Variants in MBNL1 observed in about 807,000 individuals in gnomAD.
The protein encoded by MBNL1 is muscleblind like splicing regulator 1.
In MBNL1, 8 loss-of-function variants were observed where a neutral mutation model predicts 42.2. The ratio of observed to expected loss-of-function variants is 0.19; its 90% confidence interval spans 0.11 to 0.34. The LOEUF (loss-of-function observed/expected upper bound fraction) is 0.34. MBNL1 is among the 10% of genes least tolerant of loss of function. The probability of loss-of-function intolerance (pLI) is 1.00; values close to 1 mark genes in which losing one functional copy is unlikely to be tolerated. For missense variants in MBNL1, 309 were observed against 495.3 expected (o/e 0.62, Z 3.57); for synonymous variants, 169 against 173.9 (o/e 0.97, Z 0.22).
chr3:152,407,278 G>T (rs2098457642), intron 2 of MBNL1, among the ~76,000 whole-genome samples: 1 of 139,854 alleles, frequency 7.2e-6, no homozygotes, highest in Non-Finnish European at 1.5e-5. Flanking sequence ...AGCTCTTGTG[G>T]TTGAATTGAG....
rs957399401 is a variant in MBNL1, at chr3:152,341,858, C to T, written c.174+41491C>T. Among the ~76,000 whole-genome samples, 5 of 152,074 alleles carry T rather than the reference C, an allele frequency of 3.3e-5. No homozygotes were observed. In the East Asian group the frequency reaches 9.6e-4, roughly 29 times the overall value. On this transcript the variant is annotated intron_variant, in intron 2 of 9. Coordinates refer to ENST00000324210, the MANE Select transcript of MBNL1 (RefSeq NM_021038.5). ...TTTTTGGTACTTTAAGGGACTGTTT[C>T]ACTTCAAAAACAAAATATTCCTGTT...
intron 6 of MBNL1, among the ~76,000 whole-genome samples, chr3:152,448,129 A>G (rs1384031684): frequency 6.6e-6 from 1 of 152,096 alleles, no homozygotes; most frequent in South Asian, 2.1e-4. Context: ...TCATTATTCC[A>G]TAGAGTTAAT....
At chr3:152,327,566 C>G (rs1451821696) in intron 2 of MBNL1, among the ~76,000 whole-genome samples, 1 of 152,086 alleles carries the variant, frequency 6.6e-6, no homozygotes, top group Non-Finnish European at 1.5e-5. Context: ...CCAGGCTGGT[C>G]TCAAACTCCT....
rs567341682 is a variant in MBNL1, at chr3:152,326,481, T to G, written c.174+26114T>G. On this transcript the variant is annotated intron_variant, in intron 2 of 9. Transcript: ENST00000324210. Reference sequence around the variant, plus strand: ...TCCATCAGACTTGGATCCAATGATTTCACCTCATTGTTGATCATTTTGTAG... The same window carrying G: ...TCCATCAGACTTGGATCCAATGATTGCACCTCATTGTTGATCATTTTGTAG... 2.0e-5 allele frequency among the ~76,000 whole-genome samples: 3 copies of G among 152,304 alleles called. No individual in the cohort carries two copies. In the South Asian group the frequency reaches 6.2e-4, roughly 32 times the overall value.
chr3:152,438,586 A>G (rs780877622), intron 4 of MBNL1, among the ~76,000 whole-genome samples: 7 of 152,240 alleles, frequency 4.6e-5, no homozygotes, highest in Non-Finnish European at 8.8e-5. Context: ...TAATGAGATT[A>G]GAATCACATG....
At chr3:152,424,186 A>T (rs2098854882) in intron 3 of MBNL1, among the ~76,000 whole-genome samples, 1 of 152,222 alleles carries the variant, frequency 6.6e-6, no homozygotes, top group Non-Finnish European at 1.5e-5. Context: ...CCATCATCTC[A>T]GCCCCAAAAC....
chr3:152,332,275 A>G (rs1266768014), intron 2 of MBNL1, among the ~76,000 whole-genome samples: 2 of 152,196 alleles, frequency 1.3e-5, no homozygotes, highest in African/African-American at 4.8e-5. Flanking sequence ...TTCCTCACTC[A>G]TAAGATGTCA....
chr3:152,325,087 G>GCCCCCCCCCCCCCC (rs532842950), intron 2 of MBNL1, among the ~76,000 whole-genome samples: 1 of 15,368 alleles, frequency 6.5e-5, no homozygotes, highest in Non-Finnish European at 1.4e-4. Flanking sequence ...CCACATACCC[G>GCCCCCCCCCCCCCC]CCCCCCCCCG....
chr3:152,457,834 C>T (rs1468981650), intron 8 of MBNL1: 1 of 317,820 alleles, frequency 3.1e-6, no homozygotes, highest in African/African-American at 2.1e-5. Context: ...TTCAACATGC[C>T]CTTGGCCACC....
upstream of MBNL1, chr3:152,266,915 C>T (rs2037331059): frequency 2.0e-5 from 3 of 152,174 alleles, no homozygotes; most frequent in Admixed American, 2.0e-4. Context: ...CATCTCTGGC[C>T]CTTGCTGCCT....
intron 3 of MBNL1, among the ~76,000 whole-genome samples, chr3:152,431,797 T>C (rs2099010534): frequency 6.6e-6 from 1 of 152,256 alleles, no homozygotes; most frequent in Non-Finnish European, 1.5e-5. Context: ...TATGAAATTG[T>C]GTTCTGTTAT....
intron 3 of MBNL1, among the ~76,000 whole-genome samples, chr3:152,421,358 T>C (rs2098801851): frequency 1.3e-5 from 2 of 151,850 alleles, no homozygotes; most frequent in African/African-American, 4.8e-5. Context: ...GGGAGCCGAG[T>C]GTTCTTGCTC....
intron 1 of MBNL1, among the ~76,000 whole-genome samples, chr3:152,271,283 C>A (rs978192073): frequency 6.6e-6 from 1 of 151,746 alleles, no homozygotes; most frequent in Non-Finnish European, 1.5e-5. Flanking sequence ...GGGTTTTGTT[C>A]CAGAACAAGA....
At chr3:152,363,703 A>G (rs919828077) in intron 2 of MBNL1, among the ~76,000 whole-genome samples, 1 of 152,268 alleles carries the variant, frequency 6.6e-6, no homozygotes, top group African/African-American at 2.4e-5. Flanking sequence ...GCAGGTATTG[A>G]TAGTTCCATT....
At chr3:152,376,809 C>CACACACATACACACACACAT (rs2096925582) in intron 2 of MBNL1, among the ~76,000 whole-genome samples, 1 of 152,178 alleles carries the variant, frequency 6.6e-6, no homozygotes, top group Non-Finnish European at 1.5e-5. Flanking sequence ...CATGCGCACA[C>CACACACATACACACACACAT]ACACACATAC....
At chr3:152,298,101 G>A (rs1656720462) in intron 1 of MBNL1, among the ~76,000 whole-genome samples, 2 of 152,062 alleles carry the variant, frequency 1.3e-5, no homozygotes, top group Non-Finnish European at 1.5e-5. Flanking sequence ...GTTTTTTAAT[G>A]TACGTATGTA....
intron 1 of MBNL1, among the ~76,000 whole-genome samples, chr3:152,286,299 A>ATTATATTTTATTTATAATATAAATAT (rs1343648765): frequency 2.8e-5 from 4 of 143,778 alleles, no homozygotes; most frequent in African/African-American, 5.0e-5. Flanking sequence ...CAAATATTTA[A>ATTATATTTTATTTATAATATAAATAT]TTATATTTTA....
chr3:152,265,225 T>C (rs1479075314), upstream of MBNL1: 3 of 152,254 alleles, frequency 2.0e-5, no homozygotes, highest in Admixed American at 6.5e-5. Flanking sequence ...CTCTTGACCA[T>C]CTATATTTAA....
At chr3:152,255,227 A>G (rs530209705) in intron 2 of MBNL1, among the ~76,000 whole-genome samples, 1 of 152,158 alleles carries the variant, frequency 6.6e-6, no homozygotes, top group South Asian at 2.1e-4. Context: ...CCCTGGAGGT[A>G]GCTGGTTTAA....
Sources: allele counts gnomAD v4.1 joint callset (sites outside exome capture counted in the v4.1 genomes callset), GRCh38; gene constraint gnomAD v4.1.1; transcripts MANE v1.5; gene names NCBI Gene and HGNC (gene_info 2026-07-23, HGNC 2026-07-21).